CPED1: variants seen among roughly 807,000 people sequenced by gnomAD.
The protein encoded by CPED1 is cadherin like and PC-esterase domain containing 1, also known as cadherin-like and PC-esterase domain-containing protein 1.
A neutral mutation model predicts 128.2 loss-of-function variants in CPED1; 114 were observed. That is an observed-to-expected ratio of 0.89 (90% CI 0.76 to 1.04). CPED1 has a LOEUF of 1.04. Ranked by LOEUF, CPED1 falls within the 50% of genes least tolerant of loss-of-function variation. CPED1 has a pLI of 0.00. For missense variants in CPED1, 1,211 were observed against 1,207.1 expected (o/e 1.00, Z -0.05); for synonymous variants, 462 against 426.7 (o/e 1.08, Z -1.02).
chr7:121,258,424 GA>G (rs1791939536), intron 18 of CPED1, among the ~76,000 whole-genome samples: 1 of 152,136 alleles, frequency 6.6e-6, no homozygotes, highest in African/African-American at 2.4e-5. Context: ...GAAAGATCTA[GA>G]AAAGTTGCCA....
intron 16 of CPED1, among the ~76,000 whole-genome samples, chr7:121,222,359 C>G (rs191369121): frequency 6.6e-6 from 1 of 152,102 alleles, no homozygotes; most frequent in Non-Finnish European, 1.5e-5. Context: ...TTTACTGTAG[C>G]CTTGTAGTAT....
At chr7:121,262,343 A>T (rs1792038251) in intron 18 of CPED1, among the ~76,000 whole-genome samples, 1 of 152,036 alleles carries the variant, frequency 6.6e-6, no homozygotes, top group Non-Finnish European at 1.5e-5. Flanking sequence ...GACTAATGTA[A>T]CAATTTTAAA....
chr7:121,083,264 G>A (rs150425814), intron 5 of CPED1, among the ~76,000 whole-genome samples: 1 of 152,172 alleles, frequency 6.6e-6, no homozygotes, highest in Non-Finnish European at 1.5e-5. Context: ...TTATGCCTGG[G>A]ATTCATGATG....
intron 7 of CPED1, among the ~76,000 whole-genome samples, chr7:121,119,087 T>C (rs1795320333): frequency 6.6e-6 from 1 of 152,162 alleles, no homozygotes; most frequent in Non-Finnish European, 1.5e-5. Flanking sequence ...GTATTTCTCT[T>C]GTTCTGACTA....
chr7:121,148,204 A>G (rs1796069587), intron 16 of CPED1, among the ~76,000 whole-genome samples: 1 of 152,208 alleles, frequency 6.6e-6, no homozygotes, highest in African/African-American at 2.4e-5. Flanking sequence ...AATATGTGCT[A>G]TAGTGAAGTG....
At chr7:121,111,534 T>A (rs1460288120) in intron 7 of CPED1, among the ~76,000 whole-genome samples, 2 of 152,116 alleles carry the variant, frequency 1.3e-5, no homozygotes, top group Non-Finnish European at 2.9e-5. Context: ...AGTAGAGTGG[T>A]CTAGTGTGAT....
chr7:121,233,017 G>T (rs1252863086), intron 16 of CPED1, among the ~76,000 whole-genome samples: 2 of 152,064 alleles, frequency 1.3e-5, no homozygotes, highest in African/African-American at 4.8e-5. Context: ...AAGGAATGAA[G>T]TGGGTGTCCA....
At chr7:121,007,740 C>T (rs1792059177) in intron 2 of CPED1, among the ~76,000 whole-genome samples, 1 of 152,162 alleles carries the variant, frequency 6.6e-6, no homozygotes, top group East Asian at 1.9e-4. Flanking sequence ...TTTTCATTCT[C>T]TGTACCTTAG....
intron 7 of CPED1, among the ~76,000 whole-genome samples, chr7:121,105,050 C>T (rs774903433): frequency 3.3e-5 from 5 of 152,008 alleles, no homozygotes; most frequent in South Asian, 2.1e-4. Flanking sequence ...TCTCTACCAC[C>T]GCTGCACTGG....
At chr7:121,281,875 T>C (rs1792472056) in intron 22 of CPED1, among the ~76,000 whole-genome samples, 1 of 152,310 alleles carries the variant, frequency 6.6e-6, no homozygotes, top group South Asian at 2.1e-4. Context: ...CAGATTGTCA[T>C]GCAGCATGGA....
At chr7:121,154,824 G>A (rs945662298) in intron 16 of CPED1, among the ~76,000 whole-genome samples, 11 of 152,318 alleles carry the variant, frequency 7.2e-5, no homozygotes, top group African/African-American at 1.9e-4. Flanking sequence ...GATTACAGGC[G>A]TGAGCCACCG....
intron 22 of CPED1, among the ~76,000 whole-genome samples, chr7:121,279,054 C>T (rs1792384255): frequency 6.6e-6 from 1 of 152,100 alleles, no homozygotes; most frequent in Admixed American, 6.6e-5. Flanking sequence ...ATTACCATTT[C>T]CTACATTAAG....
At chr7:121,084,113 A>G (rs1290020898) in intron 5 of CPED1, among the ~76,000 whole-genome samples, 2 of 152,110 alleles carry the variant, frequency 1.3e-5, no homozygotes, top group Admixed American at 6.5e-5. Context: ...CTTTGCCTCT[A>G]CCTACATTTG....
At chr7:121,173,138 T>C (rs1018727180) in intron 16 of CPED1, among the ~76,000 whole-genome samples, 1 of 152,178 alleles carries the variant, frequency 6.6e-6, no homozygotes. Context: ...AACTAAATTA[T>C]AATTGTAACA....
intron 5 of CPED1, among the ~76,000 whole-genome samples, chr7:121,096,328 A>T (rs1023347217): frequency 6.6e-6 from 1 of 152,084 alleles, no homozygotes; most frequent in African/African-American, 2.4e-5. Context: ...AAATTAGACT[A>T]TGTTAGTATT....
chr7:121,142,932 C>A (rs1795940575), intron 16 of CPED1, among the ~76,000 whole-genome samples: 1 of 151,856 alleles, frequency 6.6e-6, no homozygotes, highest in East Asian at 1.9e-4. Context: ...TGAAGAATAG[C>A]TGGTTAGTAA....
chr7:121,216,634 A>C (rs1797765818), intron 16 of CPED1, among the ~76,000 whole-genome samples: 1 of 151,952 alleles, frequency 6.6e-6, no homozygotes, highest in Admixed American at 6.6e-5. Context: ...TCCCCAAAGG[A>C]GACCACCCAG....
chr7:121,206,825 C>G (rs1003570043), intron 16 of CPED1, among the ~76,000 whole-genome samples: 5 of 151,850 alleles, frequency 3.3e-5, no homozygotes, highest in Non-Finnish European at 7.4e-5. Context: ...TGTAAAATGC[C>G]TAGTGAACAT....
At chr7:121,099,790 G>T (rs1399660552) in intron 6 of CPED1, 136 bp from the exon 7 acceptor site, 5 of 834,734 alleles carry the variant, frequency 6.0e-6, no homozygotes, top group African/African-American at 3.4e-5. Flanking sequence ...AACTGAAATT[G>T]TTCAAGGAAA....
Sources: allele counts gnomAD v4.1 joint callset (sites outside exome capture counted in the v4.1 genomes callset), GRCh38; gene constraint gnomAD v4.1.1; transcripts MANE v1.5; gene names NCBI Gene and HGNC (gene_info 2026-07-23, HGNC 2026-07-21).